Variants in GKAP1 observed in about 807,000 individuals in gnomAD.
The protein encoded by GKAP1 is G kinase anchoring protein 1.
Under a neutral mutation model 56.7 loss-of-function variants are expected in GKAP1, and 31 were observed. That is an observed-to-expected ratio of 0.55 (90% CI 0.41 to 0.74). GKAP1 has a LOEUF of 0.74. Ranked by LOEUF, GKAP1 falls within the 30% of genes least tolerant of loss-of-function variation. The probability of loss-of-function intolerance (pLI) is 0.00; values close to 1 mark genes in which losing one functional copy is unlikely to be tolerated. For missense variants in GKAP1, 364 were observed against 402.3 expected (o/e 0.90, Z 0.82); for synonymous variants, 151 against 138.6 (o/e 1.09, Z -0.63).
At chr9:83,759,960 T>G (rs1408334057) in intron 8 of GKAP1, among the ~76,000 whole-genome samples, 1 of 152,200 alleles carries the variant, frequency 6.6e-6, no homozygotes, top group African/African-American at 2.4e-5. Context: ...ACTTTTCAAA[T>G]TTATATTACA....
chr9:83,777,502 C>T (rs1943883917), intron 7 of GKAP1, among the ~76,000 whole-genome samples: 1 of 151,980 alleles, frequency 6.6e-6, no homozygotes, highest in Non-Finnish European at 1.5e-5. Context: ...CTACTCTAGA[C>T]AGAAGAAAAA....
intron 2 of GKAP1, among the ~76,000 whole-genome samples, chr9:83,815,593 C>T (rs1303081444): frequency 6.6e-6 from 1 of 152,058 alleles, no homozygotes; most frequent in Non-Finnish European, 1.5e-5. Flanking sequence ...CACACACACA[C>T]ACACAATTAT....
At chr9:83,805,607 A>G (rs2131322363) in intron 3 of GKAP1, among the ~76,000 whole-genome samples, 1 of 152,294 alleles carries the variant, frequency 6.6e-6, no homozygotes, top group South Asian at 2.1e-4. Flanking sequence ...AAAACAGTCT[A>G]TTATATAACC....
At chr9:83,757,024 C>A (rs563707014) in intron 8 of GKAP1, among the ~76,000 whole-genome samples, 29 of 152,264 alleles carry the variant, frequency 1.9e-4, no homozygotes, top group African/African-American at 7.0e-4. Context: ...AAAGCCTATG[C>A]TGACAAGGGC....
intron 5 of GKAP1, among the ~76,000 whole-genome samples, chr9:83,786,240 T>C (rs1459247319): frequency 6.6e-6 from 1 of 152,162 alleles, no homozygotes; most frequent in Admixed American, 6.5e-5. Context: ...ACTGACAGAA[T>C]AGAACAGAAA....
At chr9:83,784,564 G>A (rs1363851915) in intron 6 of GKAP1, 151 bp downstream of exon 6, 13 of 542,770 alleles carry the variant, frequency 2.4e-5, no homozygotes, top group Non-Finnish European at 3.4e-5. Flanking sequence ...AGTACAAAAC[G>A]AACTAAGACA....
intron 5 of GKAP1, among the ~76,000 whole-genome samples, chr9:83,785,114 CAAT>C (rs1268185441): frequency 6.6e-6 from 1 of 152,124 alleles, no homozygotes; most frequent in African/African-American, 2.4e-5. Flanking sequence ...AAATTTAAGA[CAAT>C]AATCAGCAAT....
At position 83,784,755 on chromosome 9, in the gene GKAP1, G is replaced by C; in HGVS notation, c.522C>G (p.Asp174Glu). 1 of 1,604,018 alleles carries C rather than the reference G, an allele frequency of 6.2e-7. No individual in the cohort carries two copies. The highest frequency in any genetic ancestry group is 8.5e-7 in the Non-Finnish European group (1 of 1,174,056). ...CTTTTAGTGATACTGTGAGAGGTCT[G>C]TCTTTTCCCTGATGATTCTTTCTTT... is the stretch of plus-strand genomic sequence containing the variant. ...KDKRKNHQGK[D>E]RPLTVSLKDF... The change falls in exon 6 of 13, where the codon GAC becomes GAG. Residue 174 changes from aspartate (D) to glutamate (E), a missense_variant. By Grantham distance (45) the Asp-to-Glu change is conservative (BLOSUM62 2). Transcript: ENST00000376371.
At chr9:83,746,236 G>A (rs1432184770) in intron 10 of GKAP1, among the ~76,000 whole-genome samples, 3 of 152,184 alleles carry the variant, frequency 2.0e-5, no homozygotes, top group East Asian at 1.9e-4. Context: ...ATTTTGTAAT[G>A]TAGTTTAAAT....
chr9:83,802,069 T>A (rs1388175703), intron 3 of GKAP1, among the ~76,000 whole-genome samples: 1 of 152,160 alleles, frequency 6.6e-6, no homozygotes, highest in Non-Finnish European at 1.5e-5. Context: ...ACAAAACACA[T>A]ACTAGAGTTG....
At chr9:83,770,927 G>A (rs1485856957) in intron 7 of GKAP1, among the ~76,000 whole-genome samples, 1 of 152,086 alleles carries the variant, frequency 6.6e-6, no homozygotes, top group Non-Finnish European at 1.5e-5. Flanking sequence ...TAAAAGATAA[G>A]ATTTTTATCA....
intron 5 of GKAP1, among the ~76,000 whole-genome samples, chr9:83,787,945 T>G (rs902902356): frequency 1.3e-5 from 2 of 152,194 alleles, no homozygotes; most frequent in African/African-American, 4.8e-5. Flanking sequence ...TAGCCCATAT[T>G]AAAATTTTAA....
chr9:83,741,619 A>T (rs1234480132), intron 12 of GKAP1, among the ~76,000 whole-genome samples: 2 of 152,146 alleles, frequency 1.3e-5, no homozygotes, highest in Non-Finnish European at 2.9e-5. Context: ...TACAATGGAG[A>T]TATCTAGGAG....
At chr9:83,790,073 C>T (rs1343545210) in intron 4 of GKAP1, among the ~76,000 whole-genome samples, 1 of 152,108 alleles carries the variant, frequency 6.6e-6, no homozygotes, top group East Asian at 1.9e-4. Context: ...ACACTATGAA[C>T]TAAACATTTC....
chr9:83,803,542 G>C (rs980671898), intron 3 of GKAP1, among the ~76,000 whole-genome samples: 3 of 152,330 alleles, frequency 2.0e-5, no homozygotes, highest in East Asian at 1.9e-4. Flanking sequence ...GACGGAGTGT[G>C]GTTCACTCAG....
At chr9:83,808,660 C>T (rs1028954238) in intron 2 of GKAP1, among the ~76,000 whole-genome samples, 1 of 152,196 alleles carries the variant, frequency 6.6e-6, no homozygotes, top group Admixed American at 6.5e-5. Context: ...AATTATCCTA[C>T]ATAGTTGTTC....
At chr9:83,814,816 A>AC (rs779699566) in intron 2 of GKAP1, among the ~76,000 whole-genome samples, 6 of 152,252 alleles carry the variant, frequency 3.9e-5, no homozygotes, top group Non-Finnish European at 7.3e-5. Context: ...TACGGTAAGT[A>AC]CTATTCTAAC....
At chr9:83,769,840 G>A (rs966656777) in intron 7 of GKAP1, among the ~76,000 whole-genome samples, 11 of 152,072 alleles carry the variant, frequency 7.2e-5, no homozygotes, top group Non-Finnish European at 1.5e-4. Flanking sequence ...CAGTCAAGTG[G>A]GTTGCAATTT....
At chr9:83,777,870 G>A (rs1269237586) in intron 7 of GKAP1, among the ~76,000 whole-genome samples, 1 of 152,060 alleles carries the variant, frequency 6.6e-6, no homozygotes, top group Non-Finnish European at 1.5e-5. Flanking sequence ...TGGATTCTCT[G>A]TGGAAAAAAA....
Sources: gnomAD v4.1 joint callset for allele counts (sites outside exome capture counted in the v4.1 genomes callset) on GRCh38, gnomAD v4.1.1 for gene constraint, MANE v1.5 for transcripts, NCBI Gene and HGNC (gene_info 2026-07-23, HGNC 2026-07-21) for gene names.